CFAP299: variants seen among roughly 807,000 people sequenced by gnomAD.
The protein encoded by CFAP299 is cilia- and flagella-associated protein 299.
A neutral mutation model predicts 27.0 loss-of-function variants in CFAP299; 21 were observed. The observed-to-expected ratio is 0.78, with a 90% CI of 0.55 to 1.12. The LOEUF (loss-of-function observed/expected upper bound fraction) is 1.12. CFAP299 is among the 50% of genes most tolerant of loss of function. The pLI is 0.00. For synonymous variants in CFAP299, 104 were observed against 98.1 expected, an observed-to-expected ratio of 1.06 and a Z score of -0.36; for missense variants, 310 against 276.6, an observed-to-expected ratio of 1.12 and a Z score of -0.86.
At chr4:80,631,610 TC>T (rs1383487665) in intron 3 of CFAP299, among the ~76,000 whole-genome samples, 5 of 152,132 alleles carry the variant, frequency 3.3e-5, no homozygotes, top group Non-Finnish European at 7.4e-5. Flanking sequence ...AGAAGGTACT[TC>T]ATTTTGTCTC....
At chr4:80,381,813 A>G (rs1024388211) in intron 2 of CFAP299, among the ~76,000 whole-genome samples, 3 of 152,128 alleles carry the variant, frequency 2.0e-5, no homozygotes, top group African/African-American at 4.8e-5. Context: ...AACATCCTTC[A>G]TAGTTCATTA....
chr4:80,462,743 A>G (rs962868966), intron 2 of CFAP299, among the ~76,000 whole-genome samples: 1 of 152,186 alleles, frequency 6.6e-6, no homozygotes, highest in South Asian at 2.1e-4. Flanking sequence ...GAGATGGGTG[A>G]TCTGGAGATG....
At chr4:80,598,510 T>C (rs1560647413) in intron 3 of CFAP299, among the ~76,000 whole-genome samples, 2 of 152,230 alleles carry the variant, frequency 1.3e-5, no homozygotes, top group African/African-American at 4.8e-5. Context: ...AAAACAGCAA[T>C]TAACATGTTT....
At chr4:80,865,206 A>T (rs1235938622) in intron 3 of CFAP299, among the ~76,000 whole-genome samples, 1 of 152,244 alleles carries the variant, frequency 6.6e-6, no homozygotes, top group Non-Finnish European at 1.5e-5. Context: ...TGAAGCTTTT[A>T]AAACTTCACT....
intron 1 of CFAP299, 147 bp downstream of exon 1, chr4:80,336,026 G>T: frequency 3.3e-6 from 2 of 614,052 alleles, no homozygotes; most frequent in South Asian, 3.8e-5. Flanking sequence ...TAAAGCCGCT[G>T]GCGAGGTGAA....
At chr4:80,350,312 T>C (rs1241269631) in intron 1 of CFAP299, among the ~76,000 whole-genome samples, 1 of 152,112 alleles carries the variant, frequency 6.6e-6, no homozygotes, top group African/African-American at 2.4e-5. Flanking sequence ...AAGGAATGTT[T>C]TAATAAAATC....
At chr4:80,940,479 T>C (rs1737137880) in intron 4 of CFAP299, among the ~76,000 whole-genome samples, 1 of 152,162 alleles carries the variant, frequency 6.6e-6, no homozygotes. Context: ...TCTTACCCAC[T>C]TCAGTGTGTT....
chr4:80,877,833 C>T (rs1353027995), intron 4 of CFAP299, among the ~76,000 whole-genome samples: 5 of 152,028 alleles, frequency 3.3e-5, no homozygotes, highest in Admixed American at 1.3e-4. Context: ...CTAATATACT[C>T]ACAACCTAGA....
chr4:80,394,920 T>C (rs1467997297), intron 2 of CFAP299, among the ~76,000 whole-genome samples: 1 of 152,150 alleles, frequency 6.6e-6, no homozygotes, highest in Non-Finnish European at 1.5e-5. Flanking sequence ...TCTTTTGTGA[T>C]ACCACAAAAC....
At chr4:80,687,090 C>T (rs1560697988) in intron 3 of CFAP299, among the ~76,000 whole-genome samples, 2 of 152,198 alleles carry the variant, frequency 1.3e-5, no homozygotes, top group Non-Finnish European at 2.9e-5. Context: ...ACATCTGGCC[C>T]AACTTACCAG....
chr4:80,892,491 C>T (rs764982177), intron 4 of CFAP299, among the ~76,000 whole-genome samples: 6 of 152,024 alleles, frequency 3.9e-5, no homozygotes, highest in Non-Finnish European at 8.8e-5. Flanking sequence ...GCAACCAAAA[C>T]AAAAATGGAC....
chr4:80,891,116 T>A (rs1474571511), intron 4 of CFAP299, among the ~76,000 whole-genome samples: 1 of 150,540 alleles, frequency 6.6e-6, no homozygotes, highest in Non-Finnish European at 1.5e-5. Context: ...TTTGGTGTTT[T>A]GGACATGAAG....
intron 3 of CFAP299, among the ~76,000 whole-genome samples, chr4:80,821,302 G>C (rs902136153): frequency 1.3e-5 from 2 of 152,040 alleles, no homozygotes; most frequent in Non-Finnish European, 2.9e-5. Flanking sequence ...CACTGAAAAC[G>C]TTAAGTTGAA....
chr4:80,858,295 T>A (rs1349159465), intron 3 of CFAP299, among the ~76,000 whole-genome samples: 2 of 151,924 alleles, frequency 1.3e-5, no homozygotes, highest in Non-Finnish European at 2.9e-5. Context: ...GATTCTTCTC[T>A]CTTTTTTTCT....
chr4:80,924,536 GTGTATA>G lies in CFAP299; in HGVS notation c.477-20272_477-20267del, dbSNP rs1320880595. Among the ~76,000 whole-genome samples, 26 of 130,990 alleles carry G rather than the reference GTGTATA, an allele frequency of 2.0e-4. No individual in the cohort carries two copies. In the East Asian group the frequency reaches 4.2e-3, roughly 21 times the overall value. The allele number at this position is 130,990 out of a possible 152,430, so 85.9% of individuals were successfully genotyped here. ...ATTATGTGTGTGTGTGTGTGTGTGTGTGTATATATATATATATATATATATATCTGT... is the reference window on the plus strand; with the variant it reads ...ATTATGTGTGTGTGTGTGTGTGTGTGTATATATATATATATATATATCTGT... On this transcript the variant is annotated intron_variant, in intron 4 of 5. Transcript: ENST00000358105.
intron 2 of CFAP299, among the ~76,000 whole-genome samples, chr4:80,423,220 C>T (rs558730685): frequency 9.2e-5 from 14 of 152,210 alleles, no homozygotes; most frequent in South Asian, 6.2e-4. Context: ...TTCTACAAAT[C>T]GAAACTGCCA....
chr4:80,815,787 T>G (rs1355834839), intron 3 of CFAP299, among the ~76,000 whole-genome samples: 1 of 152,004 alleles, frequency 6.6e-6, no homozygotes, highest in African/African-American at 2.4e-5. Context: ...TTAAATGATA[T>G]GTATATGTAC....
intron 3 of CFAP299, among the ~76,000 whole-genome samples, chr4:80,851,365 G>A (rs956069543): frequency 2.0e-5 from 3 of 152,004 alleles, no homozygotes; most frequent in Non-Finnish European, 4.4e-5. Context: ...ATTTTCCTGT[G>A]GTTCTAAGTA....
Position 80,695,464 on chromosome 4 carries a change from G to T in CFAP299, c.333+112281G>T, listed in dbSNP as rs972274820. ...CACTACCCAGATGGGACAAAGCTGT[G>T]TCCTACTCATCTACATGGAGAATAA... is the stretch of plus-strand genomic sequence containing the variant. On this transcript the variant is annotated intron_variant, in intron 3 of 5. Transcript: ENST00000358105. 3.3e-5 allele frequency among the ~76,000 whole-genome samples: 5 copies of T among 152,076 alleles called. No individual in the cohort carries two copies. In the East Asian group the frequency reaches 9.6e-4, roughly 29 times the overall value.
Sources: allele counts gnomAD v4.1 joint callset (sites outside exome capture counted in the v4.1 genomes callset), GRCh38; gene constraint gnomAD v4.1.1; transcripts MANE v1.5; gene names NCBI Gene and HGNC (gene_info 2026-07-23, HGNC 2026-07-21).